MGAT4C: variants seen among roughly 807,000 people sequenced by gnomAD.
MGAT4C encodes alpha-1,3-mannosyl-glycoprotein 4-beta-N-acetylglucosaminyltransferase C.
MGAT4C carries 19 observed loss-of-function variants against 40.1 expected under a neutral mutation model. That is an observed-to-expected ratio of 0.47 (90% CI 0.33 to 0.70). The LOEUF is 0.70. MGAT4C is among the 30% of genes least tolerant of loss of function. MGAT4C has a pLI of 0.02. For synonymous variants in MGAT4C, 181 were observed against 187.1 expected (o/e 0.97, Z 0.27); for missense variants, 491 against 563.2 (o/e 0.87, Z 1.30).
chr12:86,133,545 T>A (rs1881537877), intron 1 of MGAT4C, among the ~76,000 whole-genome samples: 1 of 152,178 alleles, frequency 6.6e-6, no homozygotes, highest in South Asian at 2.1e-4. Context: ...CTAAATACAA[T>A]CAGGGTTACT....
chr12:86,587,126 T>G (rs1429231108), intron 2 of MGAT4C, among the ~76,000 whole-genome samples: 3 of 152,032 alleles, frequency 2.0e-5, no homozygotes, highest in East Asian at 1.9e-4. Context: ...AATTGATTTT[T>G]GTATAAGGTG....
chr12:86,428,604 G>A (rs1956976119), intron 3 of MGAT4C, among the ~76,000 whole-genome samples: 1 of 152,078 alleles, frequency 6.6e-6, no homozygotes, highest in Admixed American at 6.6e-5. Flanking sequence ...ATAAGGTCCT[G>A]GTCTTTTCTT....
intron 2 of MGAT4C, among the ~76,000 whole-genome samples, chr12:86,614,679 T>C (rs1962392866): frequency 6.6e-6 from 1 of 151,832 alleles, no homozygotes; most frequent in South Asian, 2.1e-4. Flanking sequence ...ATTATGAAGT[T>C]AATTAGGAAA....
At chr12:86,499,861 T>C (rs1958307019) in intron 2 of MGAT4C, among the ~76,000 whole-genome samples, 1 of 151,930 alleles carries the variant, frequency 6.6e-6, no homozygotes, top group African/African-American at 2.4e-5. Flanking sequence ...TCAGAGAGTA[T>C]ATACAGCCAA....
intron 2 of MGAT4C, among the ~76,000 whole-genome samples, chr12:86,680,466 A>G (rs1474501881): frequency 6.6e-6 from 1 of 152,056 alleles, no homozygotes. Context: ...GGGGAATCCC[A>G]GATCTGATGG....
At chr12:86,083,218 T>C (rs1173982566) in intron 1 of MGAT4C, among the ~76,000 whole-genome samples, 2 of 152,098 alleles carry the variant, frequency 1.3e-5, no homozygotes, top group Non-Finnish European at 1.5e-5. Context: ...TCTTCATTCA[T>C]AGGGGCATTG....
At chr12:86,445,013 G>A (rs1243001074) in intron 2 of MGAT4C, among the ~76,000 whole-genome samples, 1 of 152,312 alleles carries the variant, frequency 6.6e-6, no homozygotes, top group Non-Finnish European at 1.5e-5. Context: ...GCTGTTGCCT[G>A]GGAACCAGAA....
chr12:86,495,160 A>G (rs1171531892), intron 2 of MGAT4C: 1 of 152,092 alleles, frequency 6.6e-6, no homozygotes, highest in Non-Finnish European at 1.5e-5. Context: ...ATCAATAGGT[A>G]TAGAACGCAG....
At chr12:86,683,489 T>C (rs1950018541) in intron 2 of MGAT4C, among the ~76,000 whole-genome samples, 1 of 152,128 alleles carries the variant, frequency 6.6e-6, no homozygotes, top group South Asian at 2.1e-4. Flanking sequence ...ACCTAAAATA[T>C]TGCCCTGCCA....
In MGAT4C at chr12:85,977,404, T is replaced by G. The variant is rs1884074451; in HGVS notation, c.*1885A>C. ...GAAAAATAAAGAAAATAGAACATTT[T>G]TAGGTGTCTGGCAAGTATCCTCTAA... On this transcript the variant is annotated 3_prime_UTR_variant, in exon 5 of 5. Coordinates refer to ENST00000611864, the MANE Select transcript of MGAT4C (RefSeq NM_001351288.2). 2.0e-5 allele frequency: 3 copies of G among 151,556 alleles called. No homozygotes were observed. The highest frequency in any genetic ancestry group is 1.9e-4 in the East Asian group (1 of 5,160). 9.4% of individuals were successfully genotyped at this position (151,556 alleles called of 1,614,324 possible). A position where few individuals can be genotyped will look rare whatever the true frequency, so the allele number is the denominator to read the frequency against.
At chr12:86,821,968 G>A (rs1952713692) in intron 1 of MGAT4C, among the ~76,000 whole-genome samples, 1 of 148,896 alleles carries the variant, frequency 6.7e-6, no homozygotes, top group Non-Finnish European at 1.5e-5. Flanking sequence ...AAAAGTTAAA[G>A]ACAAAAGTAT....
chr12:86,289,393 C>G lies in MGAT4C; in HGVS notation c.-57+44672G>C, dbSNP rs189178390. 1.1e-3 allele frequency among the ~76,000 whole-genome samples: 174 copies of G among 151,442 alleles called. 2 individuals are homozygous for G. Among genetic ancestry groups the G allele is most frequent in the Middle Eastern group, 0.01 (3 of 294 alleles). On this transcript the variant is annotated intron_variant, in intron 4 of 7. Coordinates refer to the MGAT4C transcript ENST00000548651. Reference sequence around the variant, plus strand: ...TAAGATTACCTTCACCCTTTGGGCTCTTTTTTAGTTCCATATGAGTTGTAA... The same window carrying G: ...TAAGATTACCTTCACCCTTTGGGCTGTTTTTTAGTTCCATATGAGTTGTAA...
In MGAT4C at chr12:86,084,643, G is replaced by A. The variant is rs577439821; in HGVS notation, c.-56-34920C>T. Reference sequence around the variant, plus strand: ...TGTTAGCGCAACTGCTTTGCTAGTTGCAAAGCTGTATTATCAGAGTAAAAG... The same window carrying A: ...TGTTAGCGCAACTGCTTTGCTAGTTACAAAGCTGTATTATCAGAGTAAAAG... On this transcript the variant is annotated intron_variant, in intron 1 of 4. Coordinates refer to ENST00000611864, the MANE Select transcript of MGAT4C (RefSeq NM_001351288.2). Among the ~76,000 whole-genome samples, 9 of 151,612 alleles carry A rather than the reference G, an allele frequency of 5.9e-5. No individual in the cohort carries two copies. The South Asian group carries it at 1.9e-3, about 31-fold the overall frequency.
At chr12:86,470,753 T>TGTAACTATGCAC (rs1323385481) in intron 2 of MGAT4C, among the ~76,000 whole-genome samples, 2 of 152,290 alleles carry the variant, frequency 1.3e-5, no homozygotes, top group African/African-American at 4.8e-5. Context: ...ATAGTTATTA[T>TGTAACTATGCAC]TGTAATCATA....
chr12:86,717,670 C>T (rs1950667591), intron 2 of MGAT4C, among the ~76,000 whole-genome samples: 2 of 151,860 alleles, frequency 1.3e-5, no homozygotes, highest in Admixed American at 1.3e-4. Flanking sequence ...TGGAAGATAA[C>T]ATAAAAATCA....
intron 1 of MGAT4C, among the ~76,000 whole-genome samples, chr12:86,212,322 GT>G (rs1355793557): frequency 6.6e-6 from 1 of 152,032 alleles, no homozygotes; most frequent in Non-Finnish European, 1.5e-5. Context: ...TTTATCACAG[GT>G]TTTGGACGTA....
At position 86,493,983 on chromosome 12, in the gene MGAT4C, A is replaced by G. The variant is rs1354948846; in HGVS notation, c.-228-58718T>C. Among the ~76,000 whole-genome samples the G allele has an allele frequency of 3.3e-5, 5 of 152,130 alleles. No individual in the cohort carries two copies. The East Asian group carries it at 9.7e-4, about 29-fold the overall frequency. On this transcript the variant is annotated intron_variant, in intron 2 of 7. Coordinates refer to the MGAT4C transcript ENST00000548651. ...TTTTTAAGTACTACTTTATTGAGTT[A>G]CATGGGACATACAATAAAATATCCT...
chr12:86,013,826 C>G, intron 2 of MGAT4C: 14 of 820,668 alleles, frequency 1.7e-5, no homozygotes, highest in Non-Finnish European at 2.1e-5. Context: ...TAAATATTAT[C>G]ATTTTCCATC....
chr12:86,276,166 T>C lies in MGAT4C; in HGVS notation c.-57+57899A>G, dbSNP rs75925442. Among the ~76,000 whole-genome samples the C allele has an allele frequency of 7.7e-3, 1,168 of 151,722 alleles. 21 individuals are homozygous for C. The highest frequency in any genetic ancestry group is 0.027 in the African/African-American group (1,119 of 41,434). Reference sequence around the variant, plus strand: ...ATTTGTGTAGTTTTAAACCATTAAGTTTGTAGTGATTTTTTTACAAGTATA... The same window carrying C: ...ATTTGTGTAGTTTTAAACCATTAAGCTTGTAGTGATTTTTTTACAAGTATA... On this transcript the variant is annotated intron_variant, in intron 4 of 7. Coordinates refer to the MGAT4C transcript ENST00000548651.
Sources: gnomAD v4.1 joint callset for allele counts (sites outside exome capture counted in the v4.1 genomes callset) on GRCh38, gnomAD v4.1.1 for gene constraint, MANE v1.5 for transcripts, NCBI Gene and HGNC (gene_info 2026-07-23, HGNC 2026-07-21) for gene names.